Variants in KIAA0825 observed in about 807,000 individuals in gnomAD.
The protein encoded by KIAA0825 is uncharacterized protein KIAA0825.
A neutral mutation model predicts 147.6 loss-of-function variants in KIAA0825; 119 were observed. The ratio of observed to expected loss-of-function variants is 0.81; its 90% confidence interval spans 0.69 to 0.94. The LOEUF is 0.94. KIAA0825 is among the 40% of genes least tolerant of loss of function. KIAA0825 has a pLI of 0.00. For missense variants in KIAA0825, 1,381 were observed against 1,472.7 expected (o/e 0.94, Z 1.02); for synonymous variants, 470 against 518.1 (o/e 0.91, Z 1.26).
chr5:94,210,866 G>A lies in KIAA0825; in HGVS notation c.3711-56742C>T, dbSNP rs548405738. Reference sequence around the variant, plus strand: ...TTTGCCTGGAGTATAATGACACGAGGCTTTATCTAACAGAATAATAAACAA... The same window carrying A: ...TTTGCCTGGAGTATAATGACACGAGACTTTATCTAACAGAATAATAAACAA... On this transcript the variant is annotated intron_variant, in intron 20 of 20. Coordinates refer to ENST00000682413, the MANE Select transcript of KIAA0825 (RefSeq NM_001145678.3). 1.6e-4 allele frequency among the ~76,000 whole-genome samples: 24 copies of A among 152,224 alleles called. No individual in the cohort carries two copies. The East Asian group carries it at 4.4e-3, about 28-fold the overall frequency.
chr5:94,293,395 T>A (rs983886405), intron 20 of KIAA0825, among the ~76,000 whole-genome samples: 1 of 152,252 alleles, frequency 6.6e-6, no homozygotes, highest in Admixed American at 6.5e-5. Context: ...GAGCAGGTTG[T>A]TCAGTTTCCA....
At chr5:94,203,137 A>G (rs1036942903) in intron 20 of KIAA0825, among the ~76,000 whole-genome samples, 6 of 152,220 alleles carry the variant, frequency 3.9e-5, no homozygotes, top group Non-Finnish European at 7.3e-5. Context: ...TTCATGATCA[A>G]CGTTTGCAAT....
intron 20 of KIAA0825, among the ~76,000 whole-genome samples, chr5:94,227,200 T>C (rs1583910949): frequency 6.6e-6 from 1 of 152,180 alleles, no homozygotes; most frequent in East Asian, 1.9e-4. Context: ...ATATACACCA[T>C]GGAATATTAT....
At chr5:94,484,980 G>A in intron 5 of KIAA0825, 50 bp from the exon 6 acceptor site, 1 of 1,238,060 alleles carries the variant, frequency 8.1e-7, no homozygotes, top group African/African-American at 1.5e-5. Flanking sequence ...TACCTTCTTA[G>A]TAAATATTAG....
chr5:94,516,573 G>C (rs1426427452), intron 5 of KIAA0825, among the ~76,000 whole-genome samples: 1 of 151,926 alleles, frequency 6.6e-6, no homozygotes, highest in Non-Finnish European at 1.5e-5. Context: ...GGAGGCCGAG[G>C]CGGGCGGATC....
intron 6 of KIAA0825, among the ~76,000 whole-genome samples, chr5:94,478,482 C>T (rs191769768): frequency 1.4e-3 from 204 of 150,486 alleles, no homozygotes; most frequent in Non-Finnish European, 2.5e-3. Flanking sequence ...CACACACACA[C>T]AAATTGGGGA....
At chr5:94,602,042 A>G (rs1481872769) in intron 1 of KIAA0825, among the ~76,000 whole-genome samples, 2 of 152,168 alleles carry the variant, frequency 1.3e-5, no homozygotes, top group East Asian at 1.9e-4. Flanking sequence ...AAATGCAGAG[A>G]ACCCTGCTAA....
At chr5:94,603,973 T>A (rs978599983) in intron 1 of KIAA0825, among the ~76,000 whole-genome samples, 8 of 152,152 alleles carry the variant, frequency 5.3e-5, no homozygotes, top group African/African-American at 1.9e-4. Context: ...TACACAATAA[T>A]AAATGAGAGA....
intron 20 of KIAA0825, among the ~76,000 whole-genome samples, chr5:94,237,655 A>G (rs1376563702): frequency 6.6e-6 from 1 of 151,964 alleles, no homozygotes; most frequent in African/African-American, 2.4e-5. Context: ...TCTTTGATGG[A>G]CTCCATATCT....
chr5:94,528,809 A>G (rs7702344), intron 3 of KIAA0825, among the ~76,000 whole-genome samples: 63,075 of 151,130 alleles, frequency 0.42, 14,542 homozygotes, highest in African/African-American at 0.63. Flanking sequence ...TTAAATCTAT[A>G]AAGGCTTGCC....
At chr5:94,390,744 CT>C (rs1202586657) in intron 18 of KIAA0825, among the ~76,000 whole-genome samples, 1 of 152,112 alleles carries the variant, frequency 6.6e-6, no homozygotes, top group Non-Finnish European at 1.5e-5. Flanking sequence ...AATTTATTCC[CT>C]GAAAATGTAT....
chr5:94,221,434 C>T (rs1773660732), intron 20 of KIAA0825, among the ~76,000 whole-genome samples: 1 of 152,184 alleles, frequency 6.6e-6, no homozygotes, highest in Non-Finnish European at 1.5e-5. Flanking sequence ...CCAATATATG[C>T]ACCCAGACCC....
intron 2 of KIAA0825, among the ~76,000 whole-genome samples, chr5:94,580,757 T>TC (rs1781966099): frequency 1.0e-5 from 1 of 100,168 alleles, no homozygotes; most frequent in South Asian, 2.9e-4. Context: ...GCGCCTGTAG[T>TC]CCCAGCTACT....
intron 20 of KIAA0825, among the ~76,000 whole-genome samples, chr5:94,265,240 G>A (rs1315718981): frequency 1.3e-5 from 2 of 152,190 alleles, no homozygotes; most frequent in South Asian, 2.1e-4. Context: ...TTAGTTTAAT[G>A]TTATCATTGG....
chr5:94,353,657 T>G (rs1783943434), intron 20 of KIAA0825, among the ~76,000 whole-genome samples: 1 of 152,148 alleles, frequency 6.6e-6, no homozygotes, highest in Admixed American at 6.5e-5. Flanking sequence ...TTATATACAT[T>G]TCCATCAAAA....
At chr5:94,180,781 T>A (rs1037070947) in intron 20 of KIAA0825, among the ~76,000 whole-genome samples, 2 of 152,160 alleles carry the variant, frequency 1.3e-5, no homozygotes, top group African/African-American at 2.4e-5. Flanking sequence ...CATACTTTTT[T>A]TCAGTGTCAC....
At chr5:94,301,404 A>T (rs901289243) in intron 20 of KIAA0825, among the ~76,000 whole-genome samples, 5 of 151,288 alleles carry the variant, frequency 3.3e-5, no homozygotes, top group East Asian at 1.9e-4. Flanking sequence ...ATATATAAAA[A>T]ATATATACTT....
At chr5:94,535,530 A>C (rs763084170) in intron 3 of KIAA0825, among the ~76,000 whole-genome samples, 2 of 149,276 alleles carry the variant, frequency 1.3e-5, no homozygotes, top group African/African-American at 4.9e-5. Flanking sequence ...GCTTGTAATC[A>C]TAAGTACTTT....
intron 10 of KIAA0825, among the ~76,000 whole-genome samples, chr5:94,466,694 G>A (rs1189060080): frequency 7.4e-6 from 1 of 134,926 alleles, no homozygotes; most frequent in Non-Finnish European, 1.5e-5. Flanking sequence ...CCGAGATCGT[G>A]CCACTGCACT....
Sources: gnomAD v4.1 joint callset for allele counts (sites outside exome capture counted in the v4.1 genomes callset) on GRCh38, gnomAD v4.1.1 for gene constraint, MANE v1.5 for transcripts, NCBI Gene and HGNC (gene_info 2026-07-23, HGNC 2026-07-21) for gene names.